The following WIPF1 variants were observed in gnomAD, a reference collection of about 807,000 sequenced individuals.
The protein encoded by WIPF1 is WAS/WASL interacting protein family member 1, also known as WAS/WASL-interacting protein family member 1.
Under a neutral mutation model 35.4 loss-of-function variants are expected in WIPF1, and 13 were observed. The ratio of observed to expected loss-of-function variants is 0.37; its 90% CI spans 0.24 to 0.58. The LOEUF (loss-of-function observed/expected upper bound fraction) is 0.58. Ranked by LOEUF, WIPF1 falls within the 20% of genes least tolerant of loss-of-function variation. The pLI is 0.74. For missense variants in WIPF1, 591 were observed against 667.0 expected (o/e 0.89, Z 1.25); for synonymous variants, 267 against 266.3 (o/e 1.00, Z -0.02).
At chr2:174,599,360 C>G (rs1026998275), upstream of WIPF1, among the ~76,000 whole-genome samples, 12 of 152,128 alleles carry the variant, frequency 7.9e-5, no homozygotes, top group African/African-American at 2.9e-4. Context: ...CTCAAAATTC[C>G]CTGAGATAGG....
chr2:174,621,043 T>G (rs946784251), intron 1 of WIPF1, among the ~76,000 whole-genome samples: 1 of 152,114 alleles, frequency 6.6e-6, no homozygotes, highest in African/African-American at 2.4e-5. Context: ...TTAGGACTCA[T>G]GTAAGCTGTT....
At chr2:174,663,515 T>G (rs1168241394) in intron 1 of WIPF1, among the ~76,000 whole-genome samples, 1 of 151,336 alleles carries the variant, frequency 6.6e-6, no homozygotes, top group African/African-American at 2.4e-5. Context: ...GCCTGAAGTT[T>G]CCTGGGGAAA....
Position 174,562,102 on chromosome 2 carries a change from TACTC to T in WIPF1, c.*441_*444del. The T allele has an allele frequency of 6.4e-7, 1 of 1,550,642 alleles. No homozygotes were observed. Among genetic ancestry groups the T allele is most frequent in the Non-Finnish European group, 8.7e-7 (1 of 1,147,014 alleles). ...TGACTGCAAGTTTCCAGTGAGCCCT[TACTC>T]AGCAGCTTGCTTAGGTGGTCTGTGG... is the stretch of plus-strand genomic sequence containing the variant. On this transcript the variant is annotated 3_prime_UTR_variant, in exon 8 of 8. Coordinates refer to ENST00000679041, the MANE Select transcript of WIPF1 (RefSeq NM_001375834.1).
At chr2:174,638,007 G>A (rs1482636932) in intron 1 of WIPF1, among the ~76,000 whole-genome samples, 1 of 152,164 alleles carries the variant, frequency 6.6e-6, no homozygotes, top group Non-Finnish European at 1.5e-5. Flanking sequence ...TCTGAGAATG[G>A]AGGAAATAGA....
At chr2:174,662,337 G>A (rs565598507) in intron 1 of WIPF1, among the ~76,000 whole-genome samples, 54 of 152,260 alleles carry the variant, frequency 3.5e-4, no homozygotes, top group African/African-American at 1.1e-3. Context: ...GCTGGACTGC[G>A]GATGTAGAGG....
intron 1 of WIPF1, among the ~76,000 whole-genome samples, chr2:174,637,774 G>A (rs561045731): frequency 1.0e-3 from 159 of 152,286 alleles, no homozygotes; most frequent in African/African-American, 3.6e-3. Context: ...GCGATGGAGC[G>A]AGACTCCGTC....
chr2:174,588,767 G>A (rs1030380280), intron 1 of WIPF1, among the ~76,000 whole-genome samples: 2 of 152,238 alleles, frequency 1.3e-5, no homozygotes, highest in African/African-American at 4.8e-5. Context: ...GGTATTGAAA[G>A]AAGTGCTGCC....
intron 5 of WIPF1, 99 bp from the exon 6 acceptor site, chr2:174,568,172 G>T: frequency 7.5e-7 from 1 of 1,332,238 alleles, no homozygotes; most frequent in Non-Finnish European, 1.0e-6. Context: ...CTGGACACAT[G>T]CCCTTTAATT....
At chr2:174,657,154 A>G (rs1179957494) in intron 1 of WIPF1, among the ~76,000 whole-genome samples, 1 of 152,244 alleles carries the variant, frequency 6.6e-6, no homozygotes, top group Non-Finnish European at 1.5e-5. Flanking sequence ...GCTACTTCTA[A>G]TAATTGCTTT....
intron 1 of WIPF1, among the ~76,000 whole-genome samples, chr2:174,662,865 G>A (rs1283632399): frequency 6.6e-6 from 1 of 152,186 alleles, no homozygotes; most frequent in African/African-American, 2.4e-5. Context: ...GGGTCTATAT[G>A]AGGACATGAA....
At chr2:174,595,405 C>T (rs1183765537) in intron 1 of WIPF1, among the ~76,000 whole-genome samples, 1 of 151,770 alleles carries the variant, frequency 6.6e-6, no homozygotes, top group Non-Finnish European at 1.5e-5. Context: ...AGATAACTTC[C>T]TCCACATTTA....
Position 174,562,064 on chromosome 2 carries a change from A to G in WIPF1, c.*483T>C. On this transcript the variant is annotated 3_prime_UTR_variant, in exon 8 of 8. Coordinates refer to ENST00000679041, the MANE Select transcript of WIPF1 (RefSeq NM_001375834.1). ...TAGAGCCAAGCTCGGACTGCCAAAG[A>G]TTGGACATCCTGTGACTGCAAGTTT... is the stretch of plus-strand genomic sequence containing the variant. 4 of 1,550,578 alleles carry G rather than the reference A, an allele frequency of 2.6e-6. No homozygotes were observed. Among genetic ancestry groups the G allele is most frequent in the Non-Finnish European group, 3.5e-6 (4 of 1,146,986 alleles).
At chr2:174,624,322 C>A (rs140780926) in intron 1 of WIPF1, among the ~76,000 whole-genome samples, 19 of 152,258 alleles carry the variant, frequency 1.2e-4, no homozygotes, top group Non-Finnish European at 1.6e-4. Context: ...AAACTTGGGG[C>A]CCTCTGAAAA....
At chr2:174,585,482 T>A in intron 2 of WIPF1, 41 bp downstream of exon 2, 7 of 1,608,436 alleles carry the variant, frequency 4.4e-6, no homozygotes, top group Non-Finnish European at 6.0e-6. Flanking sequence ...TTCATTTGGC[T>A]TGCTTTATGC....
At chr2:174,648,712 G>C (rs186158884) in intron 1 of WIPF1, among the ~76,000 whole-genome samples, 1 of 152,272 alleles carries the variant, frequency 6.6e-6, no homozygotes, top group East Asian at 1.9e-4. Context: ...ATATACAGGG[G>C]GAAAATAGGT....
At chr2:174,677,573 G>T (rs1233788271) in intron 1 of WIPF1, among the ~76,000 whole-genome samples, 1 of 152,200 alleles carries the variant, frequency 6.6e-6, no homozygotes, top group Non-Finnish European at 1.5e-5. Flanking sequence ...TTGTTAAGAA[G>T]CATGTTCTTA....
chr2:174,572,667 CT>C (rs574979592), intron 4 of WIPF1, among the ~76,000 whole-genome samples: 98 of 152,300 alleles, frequency 6.4e-4, no homozygotes, highest in African/African-American at 2.3e-3. Context: ...AGCCTATGAG[CT>C]TTCAAAAGGA....
chr2:174,598,723 C>T (rs1463019782), upstream of WIPF1, among the ~76,000 whole-genome samples: 1 of 152,078 alleles, frequency 6.6e-6, no homozygotes, highest in Non-Finnish European at 1.5e-5. Context: ...TGTTTCTGTC[C>T]CCCACACTTA....
intron 1 of WIPF1, among the ~76,000 whole-genome samples, chr2:174,657,897 C>CGAAA: frequency 8.8e-6 from 1 of 114,054 alleles, no homozygotes; most frequent in East Asian, 2.5e-4. Context: ...ACAACAAGAG[C>CGAAA]GAAACTCTGT....
Sources: gnomAD v4.1 joint callset for allele counts (sites outside exome capture counted in the v4.1 genomes callset) on GRCh38, gnomAD v4.1.1 for gene constraint, MANE v1.5 for transcripts, NCBI Gene and HGNC (gene_info 2026-07-23, HGNC 2026-07-21) for gene names.